Variants in CSNK1G3 observed in about 807,000 individuals in gnomAD.
The protein encoded by CSNK1G3 is casein kinase I isoform gamma-3.
A neutral mutation model predicts 64.3 loss-of-function variants in CSNK1G3; 23 were observed. That is an observed-to-expected ratio of 0.36 (90% confidence interval 0.26 to 0.51). CSNK1G3 has a LOEUF of 0.51. Among genes scored for constraint, CSNK1G3 ranks in the 20% least tolerant of loss-of-function variants. The pLI, the probability that CSNK1G3 is intolerant of heterozygous loss-of-function variation, is 0.96. For missense variants in CSNK1G3, 357 were observed against 510.5 expected (o/e 0.70, Z 2.90); for synonymous variants, 158 against 162.2 (o/e 0.97, Z 0.20).
intron 10 of CSNK1G3, among the ~76,000 whole-genome samples, chr5:123,604,366 C>A (rs567315567): frequency 6.6e-6 from 1 of 152,066 alleles, no homozygotes; most frequent in African/African-American, 2.4e-5. Context: ...GAAAGTAATT[C>A]ATGATATAGC....
intron 1 of CSNK1G3, among the ~76,000 whole-genome samples, chr5:123,519,680 G>T (rs751991105): frequency 2.0e-5 from 3 of 152,152 alleles, no homozygotes; most frequent in Non-Finnish European, 2.9e-5. Flanking sequence ...ATTCCAGTGA[G>T]ATTGGAGGAA....
At chr5:123,566,863 G>A (rs1786993580) in intron 4 of CSNK1G3, among the ~76,000 whole-genome samples, 1 of 152,058 alleles carries the variant, frequency 6.6e-6, no homozygotes, top group Non-Finnish European at 1.5e-5. Context: ...AGTGAAGGTA[G>A]AAATCACCAG....
chr5:123,583,339 G>A (rs1207476344), intron 6 of CSNK1G3, among the ~76,000 whole-genome samples: 3 of 98,220 alleles, frequency 3.1e-5, no homozygotes, highest in Non-Finnish European at 6.8e-5. Flanking sequence ...TCACTTGTTC[G>A]TTGTGAGTAT....
chr5:123,565,205 A>G (rs1448503226), intron 4 of CSNK1G3, among the ~76,000 whole-genome samples: 2 of 152,192 alleles, frequency 1.3e-5, no homozygotes, highest in Admixed American at 1.3e-4. Flanking sequence ...TATCTTCTGC[A>G]TTTAATACAT....
At chr5:123,558,357 T>G (rs1347425993) in intron 4 of CSNK1G3, among the ~76,000 whole-genome samples, 1 of 152,216 alleles carries the variant, frequency 6.6e-6, no homozygotes, top group Non-Finnish European at 1.5e-5. Context: ...TTTCTATTGT[T>G]TGTTACATTT....
chr5:123,586,286 A>C (rs922141956), intron 6 of CSNK1G3, among the ~76,000 whole-genome samples: 1 of 152,152 alleles, frequency 6.6e-6, no homozygotes, highest in South Asian at 2.1e-4. Flanking sequence ...AGTAATAGGC[A>C]AGAGACATTT....
intron 8 of CSNK1G3, among the ~76,000 whole-genome samples, chr5:123,588,916 G>A (rs1420164955): frequency 2.6e-5 from 4 of 152,142 alleles, no homozygotes; most frequent in Admixed American, 6.5e-5. Context: ...CTTAAATTAA[G>A]TAAGGCCAGT....
chr5:123,551,584 A>T (rs1244752920), intron 2 of CSNK1G3, among the ~76,000 whole-genome samples: 3 of 152,158 alleles, frequency 2.0e-5, no homozygotes. Context: ...AAAGTATTAT[A>T]ATATTTGTAT....
At chr5:123,595,171 G>GATTT (rs1561599653) in intron 10 of CSNK1G3, 37 bp downstream of exon 11, 1 of 1,577,504 alleles carries the variant, frequency 6.3e-7, no homozygotes, top group Admixed American at 1.7e-5. Context: ...TTATTACCCA[G>GATTT]ATTTATACAA....
chr5:123,519,525 T>C (rs1187460293), intron 1 of CSNK1G3, among the ~76,000 whole-genome samples: 1 of 152,258 alleles, frequency 6.6e-6, no homozygotes, highest in East Asian at 1.9e-4. Flanking sequence ...AATTTTTTTT[T>C]CTGCATTGTT....
At chr5:123,524,483 C>T (rs1778692126) in intron 1 of CSNK1G3, among the ~76,000 whole-genome samples, 1 of 152,156 alleles carries the variant, frequency 6.6e-6, no homozygotes, top group South Asian at 2.1e-4. Flanking sequence ...GGTGTGGTTG[C>T]AATCCCTCTG....
At chr5:123,594,169 CAT>C (rs1426590131) in intron 10 of CSNK1G3, among the ~76,000 whole-genome samples, 2 of 152,110 alleles carry the variant, frequency 1.3e-5, no homozygotes, top group Non-Finnish European at 1.5e-5. Flanking sequence ...CAGAACCAAA[CAT>C]GTAATAAAGT....
Position 123,573,850 on chromosome 5 carries a change from A to ATT in CSNK1G3, c.438+325_438+326dup, listed in dbSNP as rs35902791. Among the ~76,000 whole-genome samples, 796 of 140,252 alleles carry ATT rather than the reference A, an allele frequency of 5.7e-3. 11 individuals carry two copies. The highest frequency in any genetic ancestry group is 0.018 in the African/African-American group (667 of 37,638). The allele number at this position is 140,252 out of a possible 152,430, so 92.0% of individuals were successfully genotyped here. A position where few individuals can be genotyped will look rare whatever the true frequency, so the allele number is the denominator to read the frequency against. On this transcript the variant is annotated intron_variant, in intron 5 of 12. Transcript: ENST00000345990. ...CAAAAGAGAACCCTCAGAAACATAG[A>ATT]TTTTTTTTTTTTTTTTTGAGACGGA...
At chr5:123,595,847 G>A (rs904879194) in intron 10 of CSNK1G3, among the ~76,000 whole-genome samples, 2 of 151,966 alleles carry the variant, frequency 1.3e-5, no homozygotes, top group Non-Finnish European at 2.9e-5. Context: ...TGTAGAAATA[G>A]GGAAAGATTG....
At chr5:123,615,041 A>T (rs1159076140) in exon 13 of CSNK1G3, 1 of 152,670 alleles carries the variant, frequency 6.6e-6, no homozygotes, top group Non-Finnish European at 1.5e-5. Context: ...AATGAATCTT[A>T]AGGAGTGTGG....
rs571209097 is a variant in CSNK1G3 at position 123,589,689 on chromosome 5, A to T, written c.845-724A>T. On this transcript the variant is annotated intron_variant, in intron 8 of 12. Coordinates refer to ENST00000345990, the Ensembl canonical transcript of CSNK1G3. Reference sequence around the variant, plus strand: ...TGCTCACCATTTTGCCCATTGTTTTATATTTATATATTTGTTTGTCTGTTT... The same window carrying T: ...TGCTCACCATTTTGCCCATTGTTTTTTATTTATATATTTGTTTGTCTGTTT... Among the ~76,000 whole-genome samples the T allele has an allele frequency of 2.2e-4, 33 of 151,950 alleles. 1 individual carries two copies. Among genetic ancestry groups the T allele is most frequent in the Non-Finnish European group, 4.1e-4 (28 of 67,988 alleles).
chr5:123,544,671 G>A (rs762388638), intron 1 of CSNK1G3, among the ~76,000 whole-genome samples: 4 of 152,130 alleles, frequency 2.6e-5, no homozygotes, highest in Non-Finnish European at 5.9e-5. Flanking sequence ...TATGAATGGG[G>A]CAGACTCTTC....
intron 7 of CSNK1G3, 46 bp from the exon 8 acceptor site, chr5:123,588,380 TA>T (rs778266325): frequency 6.9e-7 from 1 of 1,458,926 alleles, no homozygotes; most frequent in South Asian, 1.1e-5. Context: ...CCCAGCTAAA[TA>T]ATTTTTAAAT....
intron 1 of CSNK1G3, among the ~76,000 whole-genome samples, chr5:123,539,584 C>G (rs1781373029): frequency 6.6e-6 from 1 of 151,678 alleles, no homozygotes; most frequent in Admixed American, 6.6e-5. Context: ...TACATATTTG[C>G]TTATGTTGTG....
Sources: allele counts gnomAD v4.1 joint callset (sites outside exome capture counted in the v4.1 genomes callset), GRCh38; gene constraint gnomAD v4.1.1; transcripts MANE v1.5; gene names NCBI Gene and HGNC (gene_info 2026-07-23, HGNC 2026-07-21).